LRP1B: variants seen among roughly 807,000 people sequenced by gnomAD.
LRP1B encodes low-density lipoprotein receptor-related protein 1B.
LRP1B carries 217 observed loss-of-function variants against 556.6 expected under a neutral mutation model. The ratio of observed to expected loss-of-function variants is 0.39; its 90% CI spans 0.35 to 0.44. The LOEUF is 0.44. Among genes scored for constraint, LRP1B ranks in the 20% least tolerant of loss-of-function variants. LRP1B has a pLI of 1.00. For missense variants in LRP1B, 5,053 were observed against 5,620.8 expected, an observed-to-expected ratio of 0.90 and a Z score of 3.23; for synonymous variants, 2,047 against 1,865.8, an observed-to-expected ratio of 1.10 and a Z score of -2.50.
At chr2:141,813,449 G>A (rs908742988) in intron 1 of LRP1B, among the ~76,000 whole-genome samples, 1 of 152,006 alleles carries the variant, frequency 6.6e-6, no homozygotes, top group Non-Finnish European at 1.5e-5. Context: ...AAGGATTTGA[G>A]GCAGGAGGGT....
chr2:140,885,123 G>A (rs987119911), intron 24 of LRP1B, among the ~76,000 whole-genome samples: 4 of 152,158 alleles, frequency 2.6e-5, no homozygotes, highest in Admixed American at 6.6e-5. Context: ...TGTGTTTTAT[G>A]AAGTAGCTAA....
chr2:140,759,563 A>G (rs902117847), intron 35 of LRP1B, among the ~76,000 whole-genome samples: 1 of 152,206 alleles, frequency 6.6e-6, no homozygotes. Flanking sequence ...ATAGTGTGTA[A>G]TGGGAGACTG....
At chr2:141,270,097 A>G (rs554453793) in intron 3 of LRP1B, among the ~76,000 whole-genome samples, 8 of 152,246 alleles carry the variant, frequency 5.3e-5, no homozygotes, top group African/African-American at 1.9e-4. Flanking sequence ...CAAGTCAACA[A>G]CAAAAGAGCA....
chr2:141,873,999 TAG>T (rs1426659571), intron 1 of LRP1B, among the ~76,000 whole-genome samples: 1 of 149,376 alleles, frequency 6.7e-6, no homozygotes, highest in African/African-American at 2.5e-5. Flanking sequence ...GAGGTATGCA[TAG>T]AGAGACAAAA....
At chr2:141,674,643 C>G (rs895755944) in intron 2 of LRP1B, among the ~76,000 whole-genome samples, 1 of 151,806 alleles carries the variant, frequency 6.6e-6, no homozygotes, top group Non-Finnish European at 1.5e-5. Context: ...ACAGAATAAC[C>G]CTGTGAAGCC....
intron 1 of LRP1B, among the ~76,000 whole-genome samples, chr2:142,106,658 T>C (rs1318191166): frequency 6.6e-6 from 1 of 152,116 alleles, no homozygotes; most frequent in African/African-American, 2.4e-5. Context: ...TCCTCTTGCC[T>C]CCCCACACCT....
chr2:141,275,703 A>G (rs1476041377), intron 3 of LRP1B, among the ~76,000 whole-genome samples: 1 of 152,104 alleles, frequency 6.6e-6, no homozygotes, highest in Non-Finnish European at 1.5e-5. Context: ...ACAGAGTGAG[A>G]CCCTTTTTCA....
intron 3 of LRP1B, among the ~76,000 whole-genome samples, chr2:141,377,337 T>C (rs898209059): frequency 2.0e-5 from 3 of 152,186 alleles, no homozygotes; most frequent in Non-Finnish European, 2.9e-5. Context: ...CAAAAATACA[T>C]AGTAACTTCC....
intron 1 of LRP1B, among the ~76,000 whole-genome samples, chr2:141,865,607 A>AG (rs1698387857): frequency 7.8e-6 from 1 of 127,924 alleles, no homozygotes; most frequent in Non-Finnish European, 1.8e-5. Flanking sequence ...AAAAAAAAAA[A>AG]GAAAAAAAAA....
At chr2:141,457,614 G>T (rs183769723) in intron 3 of LRP1B, among the ~76,000 whole-genome samples, 1 of 148,616 alleles carries the variant, frequency 6.7e-6, no homozygotes, top group East Asian at 2.0e-4. Context: ...AAAAAAATGT[G>T]ATGAGTTCAG....
At chr2:141,594,345 A>C (rs1687442705) in intron 2 of LRP1B, among the ~76,000 whole-genome samples, 1 of 152,160 alleles carries the variant, frequency 6.6e-6, no homozygotes, top group African/African-American at 2.4e-5. Flanking sequence ...CAGATGGTGA[A>C]AGAGATAAGA....
intron 3 of LRP1B, among the ~76,000 whole-genome samples, chr2:141,457,652 TG>T (rs11291460): frequency 0.9 from 137,059 of 152,150 alleles, 61,954 homozygotes; most frequent in Non-Finnish European, 0.94. Context: ...GACATGTCTG[TG>T]GGGGCACCTA....
chr2:140,362,954 A>C (rs1682586516), intron 72 of LRP1B, among the ~76,000 whole-genome samples: 1 of 151,642 alleles, frequency 6.6e-6, no homozygotes, highest in African/African-American at 2.4e-5. Context: ...CTTGCTGAAC[A>C]AATGTCTATT....
At chr2:140,570,328 A>G (rs941122922) in intron 43 of LRP1B, among the ~76,000 whole-genome samples, 3 of 151,648 alleles carry the variant, frequency 2.0e-5, no homozygotes, top group Non-Finnish European at 3.0e-5. Flanking sequence ...CAAAAATCAT[A>G]ATCAAAAAGG....
chr2:140,622,408 T>G (rs556396092), intron 41 of LRP1B, among the ~76,000 whole-genome samples: 1 of 152,310 alleles, frequency 6.6e-6, no homozygotes, highest in Admixed American at 6.5e-5. Context: ...GCTTTCACAG[T>G]TTACCTTTGT....
At chr2:141,744,167 T>C (rs1198609075) in intron 2 of LRP1B, among the ~76,000 whole-genome samples, 1 of 152,080 alleles carries the variant, frequency 6.6e-6, no homozygotes, top group Non-Finnish European at 1.5e-5. Flanking sequence ...GTGTATCCCA[T>C]AGATTTTAGT....
intron 3 of LRP1B, among the ~76,000 whole-genome samples, chr2:141,397,894 CTA>C (rs1690301301): frequency 6.7e-6 from 1 of 150,124 alleles, no homozygotes. Context: ...ATCAGCCTCT[CTA>C]TATATACACA....
chr2:141,143,610 CAAAT>C (rs1435092693), intron 7 of LRP1B, among the ~76,000 whole-genome samples: 3 of 152,202 alleles, frequency 2.0e-5, no homozygotes, highest in African/African-American at 7.2e-5. Flanking sequence ...ATTTTTCAAA[CAAAT>C]AGTTTCTAAG....
At chr2:140,459,629 C>T (rs1573963174) in intron 60 of LRP1B, among the ~76,000 whole-genome samples, 11 of 152,164 alleles carry the variant, frequency 7.2e-5, no homozygotes, top group Admixed American at 7.2e-4. Flanking sequence ...AGAACTAGGC[C>T]AGCGGGAGAG....
Sources: gnomAD v4.1 joint callset for allele counts (sites outside exome capture counted in the v4.1 genomes callset) on GRCh38, gnomAD v4.1.1 for gene constraint, MANE v1.5 for transcripts, NCBI Gene and HGNC (gene_info 2026-07-23, HGNC 2026-07-21) for gene names.